The following TCTN2 variants were observed in gnomAD, a reference collection of about 807,000 sequenced individuals.
TCTN2 encodes tectonic family member 2, also known as tectonic-2.
TCTN2 carries 66 observed loss-of-function variants against 83.4 expected under a neutral mutation model. The ratio of observed to expected loss-of-function variants is 0.79; its 90% confidence interval spans 0.65 to 0.97. The LOEUF is 0.97. TCTN2 is among the 50% of genes least tolerant of loss of function. The pLI is 0.00. For missense variants in TCTN2, 794 were observed against 858.1 expected (o/e 0.93, Z 0.93); for synonymous variants, 301 against 326.7 (o/e 0.92, Z 0.85).
rs141540823 is a variant in TCTN2, at chr12:123,692,204, C to T, written c.1034-454C>T. 9.1e-3 allele frequency among the ~76,000 whole-genome samples: 1,386 copies of T among 152,204 alleles called. 27 individuals carry two copies. The highest frequency in any genetic ancestry group is 0.031 in the African/African-American group (1,304 of 41,534). Reference sequence around the variant, plus strand: ...GGGATTACGGGCATGAGCCACCACGCCCGGCTAATTTTTTTGTATTTTTAG... The same window carrying T: ...GGGATTACGGGCATGAGCCACCACGTCCGGCTAATTTTTTTGTATTTTTAG... On this transcript the variant is annotated intron_variant, in intron 8 of 17. Transcript: ENST00000303372.
chr12:123,672,250 A>C, intron 3 of TCTN2, 118 bp downstream of exon 3: 4 of 978,114 alleles, frequency 4.1e-6, no homozygotes, highest in Non-Finnish European at 6.5e-6. Context: ...CAATCATGAA[A>C]TTGTGGGCTG....
rs1337915488 is a variant in TCTN2, at chr12:123,699,736, T to C, written c.1538T>C (p.Ile513Thr). Residue 513 changes from isoleucine (I) to threonine (T), a missense_variant, in exon 14 of 18, where the codon ATA becomes ACA. Transcript: ENST00000303372. ...ENAVERLDSL[I>T]QATHVAMRGN... ...GCTGTTGAAAGACTTGATTCATTAA[T>C]ACAAGCGACTCACGTTGCAATGAGA... is the stretch of plus-strand genomic sequence containing the variant. The C allele has an allele frequency of 4.3e-6, 7 of 1,613,964 alleles. No individual in the cohort carries two copies. In the Admixed American group the frequency reaches 5.0e-5, roughly 12 times the overall value.
At chr12:123,690,766 A>G in intron 8 of TCTN2, 92 bp downstream of exon 8, 5 of 1,494,198 alleles carry the variant, frequency 3.3e-6, no homozygotes, top group Non-Finnish European at 4.6e-6. Context: ...TACTGGTTCA[A>G]CTTCAAATAA....
At chr12:123,676,545 G>A (rs1169377553) in intron 4 of TCTN2, among the ~76,000 whole-genome samples, 12 of 136,118 alleles carry the variant, frequency 8.8e-5, no homozygotes, top group African/African-American at 3.4e-4. Flanking sequence ...TCCAGCCTGG[G>A]TGACAGAGCG....
In TCTN2 at chr12:123,699,872, C is replaced by A. The variant is rs934054177; in HGVS notation, c.1612+62C>A. The A allele has an allele frequency of 2.9e-6, 4 of 1,356,818 alleles. No homozygotes were observed. The South Asian group carries it at 3.5e-5, about 12-fold the overall frequency. The allele number at this position is 1,356,818 out of a possible 1,614,324, so 84.0% of individuals were successfully genotyped here. ...GGTTGCTGTGACTACCAACTGTAGTCGCAGCATTAGAGCCCAACCCAGTAG... is the reference window on the plus strand; with the variant it reads ...GGTTGCTGTGACTACCAACTGTAGTAGCAGCATTAGAGCCCAACCCAGTAG... On this transcript the variant is annotated intron_variant, in intron 14 of 17. Transcript: ENST00000303372.
At position 123,672,132 on chromosome 12, in the gene TCTN2, G is replaced by C. The variant is rs775250997; in HGVS notation, c.267G>C (p.Ala89=). ...EDWSVTVIPG[A]KVLEVTVRWK... ...GGAGCGTGACTGTGATCCCCGGTGC[G>C]GTAAGGCCAGAAGTAAACCTTCTCT... The change falls in exon 3 of 18, where the codon GCG becomes GCC. Residue 89 remains alanine, a splice_region_variant and synonymous_variant. Transcript: ENST00000303372. The C allele has an allele frequency of 1.2e-6, 2 of 1,613,992 alleles. No homozygotes were observed. Among genetic ancestry groups the C allele is most frequent in the Non-Finnish European group, 1.7e-6 (2 of 1,179,868 alleles).
Position 123,704,673 on chromosome 12 carries a change from T to G in TCTN2, c.1754T>G (p.Leu585Arg), listed in dbSNP as rs1284271816. The part of the protein sequence containing the change: ...AVEGITQQEI[L>R]GVETRFSSVN... ...GAAGGGATTACTCAGCAGGAGATAC[T>G]CGGTGTAGAGACAAGGTATGATCAC... Residue 585 changes from leucine to arginine, a missense_variant, in exon 15 of 18, where the codon CTC becomes CGC. By Grantham distance (102) the Leu-to-Arg change is moderately radical. Coordinates refer to ENST00000303372, the MANE Select transcript of TCTN2 (RefSeq NM_024809.5). 2 of 1,613,362 alleles carry G rather than the reference T, an allele frequency of 1.2e-6. No individual in the cohort carries two copies. Among genetic ancestry groups the G allele is most frequent in the African/African-American group, 2.7e-5 (2 of 74,702 alleles).
chr12:123,693,743 G>C (rs12821219), intron 9 of TCTN2, among the ~76,000 whole-genome samples: 75,693 of 151,576 alleles, frequency 0.5, 20,645 homozygotes, highest in African/African-American at 0.72. Flanking sequence ...CGTGAGCCAC[G>C]GCGACTGGCT....
intron 7 of TCTN2, among the ~76,000 whole-genome samples, chr12:123,689,210 T>C (rs1244600822): frequency 6.6e-6 from 1 of 152,078 alleles, no homozygotes; most frequent in Non-Finnish European, 1.5e-5. Flanking sequence ...TACAGGCACA[T>C]GCCACCATTC....
intron 7 of TCTN2, 30 bp downstream of exon 7, chr12:123,688,207 C>G (rs758872429): frequency 1.3e-6 from 2 of 1,587,526 alleles, no homozygotes; most frequent in Non-Finnish European, 1.7e-6. Context: ...TATGCTAGAC[C>G]GTTCTCTTTT....
intron 12 of TCTN2, 163 bp from the exon 13 acceptor site, chr12:123,696,924 C>T (rs994978961): frequency 1.6e-6 from 1 of 640,750 alleles, no homozygotes; most frequent in Non-Finnish European, 2.8e-6. Flanking sequence ...GATAAAGGCA[C>T]CTTTGTTCAG....
At position 123,689,042 on chromosome 12, in the gene TCTN2, C is replaced by CT. The variant is rs528114738; in HGVS notation, c.891+877dup. Reference sequence around the variant, plus strand: ...AAGTGCTGGGATTACAGGCATGAGTCTTTTTTTTTTTTAAATTAAAAAAAT... The same window carrying CT: ...AAGTGCTGGGATTACAGGCATGAGTCTTTTTTTTTTTTTAAATTAAAAAAAT... On this transcript the variant is annotated intron_variant, in intron 7 of 17. Coordinates refer to ENST00000303372, the MANE Select transcript of TCTN2 (RefSeq NM_024809.5). Among the ~76,000 whole-genome samples the CT allele has an allele frequency of 8.8e-3, 1,282 of 146,016 alleles. 17 individuals carry two copies. The highest frequency in any genetic ancestry group is 0.028 in the African/African-American group (1,101 of 40,032).
chr12:123,696,791 T>C, intron 12 of TCTN2: 2 of 527,190 alleles, frequency 3.8e-6, no homozygotes, highest in South Asian at 2.0e-5. Flanking sequence ...ATGGTGCTAA[T>C]TGGAGACATG....
chr12:123,708,005 G>C lies in TCTN2; in HGVS notation c.*292G>C. 1.3e-5 allele frequency: 4 copies of C among 302,334 alleles called. No individual in the cohort carries two copies. The highest frequency in any genetic ancestry group is 3.9e-5 in the South Asian group (1 of 25,784). The allele number at this position is 302,334 out of a possible 1,614,324, so 18.7% of individuals were successfully genotyped here. A position where few individuals can be genotyped will look rare whatever the true frequency, so the allele number is the denominator to read the frequency against. ...TTACAGGCATGAGCCACCGCACCCG[G>C]CCTTTTTTTTTTTTTTTTTTTTTTT... is the stretch of plus-strand genomic sequence containing the variant. On this transcript the variant is annotated 3_prime_UTR_variant, in exon 18 of 18. Transcript: ENST00000303372.
intron 4 of TCTN2, 75 bp downstream of exon 4, chr12:123,673,885 T>C: frequency 6.8e-7 from 1 of 1,470,716 alleles, no homozygotes; most frequent in Non-Finnish European, 9.5e-7. Flanking sequence ...GGAGGATTGC[T>C]TGAGCCCGGG....
chr12:123,706,977 T>C lies in TCTN2; in HGVS notation c.1896-8T>C. 6.2e-7 allele frequency: 1 copy of C among 1,614,012 alleles called. No individual in the cohort carries two copies. The highest frequency in any genetic ancestry group is 8.5e-7 in the Non-Finnish European group (1 of 1,179,894). On this transcript the variant is annotated splice_polypyrimidine_tract_variant and splice_region_variant and intron_variant, in intron 16 of 17. Transcript: ENST00000303372. ...GTAGTTTTTGTAACCCTCTAAAATG[T>C]TTTCTAGATTCCAGATCAATTATAC...
intron 17 of TCTN2, 28 bp downstream of exon 17, chr12:123,707,101 ATTATG>A (rs1566265897): frequency 2.5e-6 from 4 of 1,598,316 alleles, no homozygotes; most frequent in Admixed American, 1.7e-5. Context: ...TCTATGACCA[ATTATG>A]TTATGTCAAT....
intron 14 of TCTN2, among the ~76,000 whole-genome samples, chr12:123,703,672 A>G (rs1003304700): frequency 6.7e-6 from 1 of 149,622 alleles, no homozygotes; most frequent in African/African-American, 2.5e-5. Context: ...ATTTTTCTCG[A>G]GGAGACAGGG....
chr12:123,686,940 G>A lies in TCTN2; in HGVS notation c.669G>A (p.Thr223=), dbSNP rs199981419. 7.8e-5 allele frequency: 126 copies of A among 1,614,192 alleles called. 1 individual carries two copies. Among genetic ancestry groups the A allele is most frequent in the Middle Eastern group, 4.9e-4 (3 of 6,062 alleles). The change falls in exon 6 of 18, where the codon ACG becomes ACA. Residue 223 remains threonine, a synonymous_variant. Transcript: ENST00000303372. ...TTGATCAGCTCTGCTCTGCTGGGAC[G>A]ACGACACGTGGTGTCCCCGATTGGT... The part of the protein sequence containing the change: ...PPFDQLCSAG[T]TTRGVPDWFP...
Sources: gnomAD v4.1 joint callset for allele counts (sites outside exome capture counted in the v4.1 genomes callset) on GRCh38, gnomAD v4.1.1 for gene constraint, MANE v1.5 for transcripts, NCBI Gene and HGNC (gene_info 2026-07-23, HGNC 2026-07-21) for gene names.